ATP11C: variants seen among roughly 807,000 people sequenced by gnomAD.
The protein encoded by ATP11C is ATPase phospholipid transporting 11C (ATP11C blood group).
ATP11C carries 36 observed loss-of-function variants against 97.4 expected under a neutral mutation model. The observed-to-expected ratio is 0.37, with a 90% CI of 0.28 to 0.49. The LOEUF (loss-of-function observed/expected upper bound fraction) is 0.49. Among genes scored for constraint, ATP11C ranks in the 20% least tolerant of loss-of-function variants. The pLI, the probability that ATP11C is intolerant of heterozygous loss-of-function variation, is 0.98. For synonymous variants in ATP11C, 275 were observed against 290.9 expected, an observed-to-expected ratio of 0.95 and a Z score of 0.56; for missense variants, 730 against 824.6, an observed-to-expected ratio of 0.89 and a Z score of 1.40.
intron 1 of ATP11C, among the ~76,000 whole-genome samples, chrX:139,895,064 T>C (rs1176237754): frequency 8.9e-6 from 1 of 111,790 alleles, no homozygotes; most frequent in Non-Finnish European, 1.9e-5. Flanking sequence ...CTCAAAAAAT[T>C]TTAAAAGTGA....
intron 15 of ATP11C, 72 bp from the exon 16 acceptor site, chrX:139,785,371 A>G: frequency 1.3e-6 from 1 of 763,362 alleles, no homozygotes; most frequent in Non-Finnish European, 2.0e-6. Flanking sequence ...GAAATATGTT[A>G]AGATATTTAA....
In ATP11C at chrX:139,888,612, AATGCAACCTTATATG is replaced by A. The variant is rs1234838402; in HGVS notation, c.27+43389_27+43403del. On this transcript the variant is annotated intron_variant, in intron 1 of 29. Coordinates refer to ENST00000682941, the MANE Select transcript of ATP11C (RefSeq NM_001353812.2). ...ACAATATTGGTGAGGATATGGAGCA[AATGCAACCTTATATG>A]TTGCTGTTAGGAAACAAAAATGGTA... Among the ~76,000 whole-genome samples, 5 of 111,567 alleles carry A rather than the reference AATGCAACCTTATATG, an allele frequency of 4.5e-5. No individual in the cohort carries two copies. In the Admixed American group the frequency reaches 4.8e-4, roughly 11 times the overall value.
At chrX:139,806,843 C>T (rs1569464882) in intron 5 of ATP11C, among the ~76,000 whole-genome samples, 1 of 111,551 alleles carries the variant, frequency 9.0e-6, no homozygotes, top group African/African-American at 3.3e-5. Context: ...CAAATGTCAT[C>T]TGCATCTAGG....
At chrX:139,850,499 A>G (rs1351277222) in intron 1 of ATP11C, among the ~76,000 whole-genome samples, 1 of 112,236 alleles carries the variant, frequency 8.9e-6, no homozygotes, top group Non-Finnish European at 1.9e-5. Flanking sequence ...ATGAACTAGG[A>G]TATTTGGTAG....
At position 139,843,296 on chromosome X, in the gene ATP11C, AGATGGAAAGATG is replaced by A. The variant is rs1431733614; in HGVS notation, c.28-16485_28-16474del. Reference sequence around the variant, plus strand: ...CAGATGAAGAATTCTATAGATGGACAGATGGAAAGATGGATGGATGGAAGAATTACAAACAGA... The same window carrying A: ...CAGATGAAGAATTCTATAGATGGACAGATGGATGGAAGAATTACAAACAGA... On this transcript the variant is annotated intron_variant, in intron 1 of 29. Coordinates refer to ENST00000682941, the MANE Select transcript of ATP11C (RefSeq NM_001353812.2). Among the ~76,000 whole-genome samples the A allele has an allele frequency of 2.7e-5, 3 of 112,055 alleles. No homozygotes were observed. In the East Asian group the frequency reaches 8.4e-4, roughly 31 times the overall value.
intron 25 of ATP11C, among the ~76,000 whole-genome samples, chrX:139,744,381 A>G (rs961952929): frequency 1.8e-5 from 2 of 112,322 alleles, no homozygotes; most frequent in African/African-American, 6.5e-5. Flanking sequence ...AGGGATGGTG[A>G]CATATACAGT....
intron 19 of ATP11C, among the ~76,000 whole-genome samples, chrX:139,773,430 A>T (rs766752961): frequency 3.0e-4 from 33 of 111,510 alleles, no homozygotes; most frequent in African/African-American, 1.0e-3. Flanking sequence ...AAAAGCCCTC[A>T]CAAGAACCCA....
At chrX:139,878,986 T>C (rs2084521062) in intron 1 of ATP11C, among the ~76,000 whole-genome samples, 1 of 110,948 alleles carries the variant, frequency 9.0e-6, no homozygotes, top group African/African-American at 3.3e-5. Context: ...TAGCGTACAC[T>C]TGTAGTCCCA....
intron 26 of ATP11C, among the ~76,000 whole-genome samples, chrX:139,742,516 T>C (rs984109301): frequency 9.0e-6 from 1 of 111,729 alleles, no homozygotes; most frequent in Admixed American, 9.5e-5. Flanking sequence ...AGAGATCCTT[T>C]GACAATTATA....
rs781759588 is a variant in ATP11C, at chrX:139,820,121, G to A, written c.148-694C>T. On this transcript the variant is annotated intron_variant, in intron 2 of 29. Coordinates refer to ENST00000682941, the MANE Select transcript of ATP11C (RefSeq NM_001353812.2). ...GAATCGCTTAAACCTGGGAGGCAGCGGTTGCAGTCAGCCAAGATCTCACTA... is the reference window on the plus strand; with the variant it reads ...GAATCGCTTAAACCTGGGAGGCAGCAGTTGCAGTCAGCCAAGATCTCACTA... 2.5e-4 allele frequency among the ~76,000 whole-genome samples: 28 copies of A among 110,351 alleles called. No individual in the cohort carries two copies. The East Asian group carries it at 5.1e-3, about 20-fold the overall frequency.
intron 24 of ATP11C, among the ~76,000 whole-genome samples, chrX:139,746,086 G>T (rs1374785959): frequency 2.7e-5 from 3 of 111,416 alleles, no homozygotes; most frequent in Non-Finnish European, 3.8e-5. Context: ...CAAATTTTTG[G>T]TCACTGACAA....
intron 1 of ATP11C, among the ~76,000 whole-genome samples, chrX:139,879,896 G>A (rs2084535093): frequency 9.0e-6 from 1 of 110,711 alleles, no homozygotes. Context: ...AAGGAGAGAA[G>A]GTTTTTGACT....
At position 139,763,366 on chromosome X, in the gene ATP11C, C is replaced by T; in HGVS notation, c.2444G>A (p.Gly815Asp). 8.3e-7 allele frequency: 1 copy of T among 1,210,941 alleles called. No homozygotes were observed. Among genetic ancestry groups the T allele is most frequent in the Non-Finnish European group, 1.1e-6 (1 of 894,629 alleles). The change falls in exon 21 of 30, where the codon GGT (glycine) becomes GAT (aspartate). Residue 815 changes from glycine (G) to aspartate (D), a missense_variant. By Grantham distance (94) the Gly-to-Asp change is moderately conservative (BLOSUM62 -1). Transcript: ENST00000682941. ...CATACTAACATCATTGGCACCATCACCTATCGACAGAGTTATTGGGCTGCC... is the reference window on the plus strand; with the variant it reads ...CATACTAACATCATTGGCACCATCATCTATCGACAGAGTTATTGGGCTGCC... ...LKGSPITLSI[G>D]DGANDVSMIL...
intron 1 of ATP11C, among the ~76,000 whole-genome samples, chrX:139,850,190 G>A (rs2083968079): frequency 9.0e-6 from 1 of 111,093 alleles, no homozygotes; most frequent in African/African-American, 3.3e-5. Flanking sequence ...GAACCTGGAA[G>A]AGCAGATTAG....
chrX:139,899,418 A>G (rs2084861010), intron 1 of ATP11C, among the ~76,000 whole-genome samples: 1 of 108,534 alleles, frequency 9.2e-6, no homozygotes, highest in African/African-American at 3.4e-5. Flanking sequence ...CAGAGGTTGC[A>G]GTGAGCTGAG....
intron 1 of ATP11C, among the ~76,000 whole-genome samples, chrX:139,841,047 C>T (rs1019019601): frequency 7.1e-5 from 8 of 112,182 alleles, no homozygotes; most frequent in African/African-American, 6.5e-5. Context: ...CTGCCAAAGC[C>T]GTCAAAGGAC....
chrX:139,765,933 T>C (rs990270565), intron 20 of ATP11C, among the ~76,000 whole-genome samples: 3 of 111,729 alleles, frequency 2.7e-5, no homozygotes, highest in Non-Finnish European at 5.6e-5. Context: ...AAGACTACAA[T>C]GAAAGGGTAA....
intron 24 of ATP11C, 47 bp from the exon 25 acceptor site, chrX:139,745,904 A>G (rs1237796297): frequency 8.6e-7 from 1 of 1,156,642 alleles, no homozygotes; most frequent in African/African-American, 1.8e-5. Flanking sequence ...CTTTTCATTT[A>G]AACATACAGT....
At chrX:139,905,086 C>T (rs1305965327) in intron 1 of ATP11C, among the ~76,000 whole-genome samples, 1 of 111,802 alleles carries the variant, frequency 8.9e-6, no homozygotes, top group Non-Finnish European at 1.9e-5. Flanking sequence ...CTGGGTAAGA[C>T]GGAGTGAGGG....
Sources: allele counts gnomAD v4.1 joint callset (sites outside exome capture counted in the v4.1 genomes callset), GRCh38; gene constraint gnomAD v4.1.1; transcripts MANE v1.5; gene names NCBI Gene and HGNC (gene_info 2026-07-23, HGNC 2026-07-21).